VWA8: variants seen among roughly 807,000 people sequenced by gnomAD.
The protein encoded by VWA8 is von Willebrand factor A domain-containing protein 8.
In VWA8, 221 loss-of-function variants were observed where a neutral mutation model predicts 241.5. The observed-to-expected ratio is 0.91, with a 90% confidence interval of 0.82 to 1.02. VWA8 has a LOEUF of 1.02. VWA8 is among the 50% of genes least tolerant of loss of function. The pLI, the probability that VWA8 is intolerant of heterozygous loss-of-function variation, is 0.00. For synonymous variants in VWA8, 852 were observed against 827.1 expected, an observed-to-expected ratio of 1.03 and a Z score of -0.52; for missense variants, 2,322 against 2,328.7, an observed-to-expected ratio of 1.00 and a Z score of 0.06.
At chr13:41,921,493 A>G (rs1014251753) in intron 2 of VWA8, among the ~76,000 whole-genome samples, 3 of 152,218 alleles carry the variant, frequency 2.0e-5, no homozygotes, top group Non-Finnish European at 4.4e-5. Context: ...ACAGGAAGTC[A>G]AATTGTCCCT....
chr13:41,632,260 C>A (rs1308597244), intron 37 of VWA8, among the ~76,000 whole-genome samples: 1 of 152,164 alleles, frequency 6.6e-6, no homozygotes, highest in Non-Finnish European at 1.5e-5. Context: ...CATACTGAAG[C>A]ACTGTGCTTT....
At chr13:41,662,178 T>C (rs2044954425) in intron 37 of VWA8, among the ~76,000 whole-genome samples, 2 of 152,194 alleles carry the variant, frequency 1.3e-5, no homozygotes, top group African/African-American at 2.4e-5. Context: ...ATAAACAAAA[T>C]CCTGCAGAGA....
At chr13:41,758,398 GTA>G (rs1236188354) in intron 21 of VWA8, among the ~76,000 whole-genome samples, 5,143 of 24,796 alleles carry the variant, frequency 0.21, 382 homozygotes, top group South Asian at 0.29. Context: ...ATATACGCTA[GTA>G]TATATATATA....
chr13:41,632,573 T>A (rs2139675311), intron 37 of VWA8, among the ~76,000 whole-genome samples: 1 of 152,316 alleles, frequency 6.6e-6, no homozygotes, highest in South Asian at 2.1e-4. Flanking sequence ...ATTTCTAGCA[T>A]CAAATCTTGG....
At chr13:41,648,208 G>A (rs964346027) in intron 37 of VWA8, among the ~76,000 whole-genome samples, 4 of 152,048 alleles carry the variant, frequency 2.6e-5, no homozygotes, top group African/African-American at 9.7e-5. Flanking sequence ...TGGTAATAAT[G>A]ATGATAAAAA....
chr13:41,930,103 G>A (rs142757661), intron 2 of VWA8, among the ~76,000 whole-genome samples: 1 of 152,236 alleles, frequency 6.6e-6, no homozygotes, highest in Non-Finnish European at 1.5e-5. Flanking sequence ...TGTAAAAATG[G>A]CCAACAGGTA....
intron 17 of VWA8, among the ~76,000 whole-genome samples, chr13:41,802,408 A>G (rs1466193511): frequency 6.6e-6 from 1 of 152,218 alleles, no homozygotes; most frequent in Admixed American, 6.5e-5. Flanking sequence ...AATAAACTTG[A>G]AAGGCTGTCT....
chr13:41,773,558 A>G (rs1276243029), intron 20 of VWA8, among the ~76,000 whole-genome samples: 1 of 152,218 alleles, frequency 6.6e-6, no homozygotes, highest in Non-Finnish European at 1.5e-5. Flanking sequence ...TGCATTAGTC[A>G]AGGAATACTA....
intron 20 of VWA8, 130 bp downstream of exon 20, chr13:41,777,855 G>T: frequency 1.4e-6 from 1 of 710,154 alleles, no homozygotes; most frequent in Non-Finnish European, 2.3e-6. Context: ...AGGTAGCAGA[G>T]TCTCATCCTT....
intron 4 of VWA8, among the ~76,000 whole-genome samples, chr13:41,896,676 C>T (rs1170215006): frequency 6.6e-6 from 1 of 152,060 alleles, no homozygotes; most frequent in African/African-American, 2.4e-5. Flanking sequence ...TTCAACTTCA[C>T]TGGTTATTAG....
chr13:41,913,999 T>G (rs531627401), intron 2 of VWA8, among the ~76,000 whole-genome samples: 1 of 152,326 alleles, frequency 6.6e-6, no homozygotes, highest in South Asian at 2.1e-4. Flanking sequence ...CCCAGCACTT[T>G]GGGAGGCCGA....
intron 28 of VWA8, among the ~76,000 whole-genome samples, chr13:41,701,129 T>C (rs2045246509): frequency 1.3e-5 from 2 of 152,202 alleles, no homozygotes; most frequent in Non-Finnish European, 2.9e-5. Flanking sequence ...AGCACATGCC[T>C]GGGTGTGTTT....
At chr13:41,870,532 G>A (rs538800963) in intron 9 of VWA8, among the ~76,000 whole-genome samples, 3 of 151,802 alleles carry the variant, frequency 2.0e-5, no homozygotes, top group African/African-American at 2.4e-5. Flanking sequence ...CCAGCTACTC[G>A]GGAGGCTGGG....
intron 26 of VWA8, among the ~76,000 whole-genome samples, chr13:41,704,431 T>C (rs1359517423): frequency 6.6e-6 from 1 of 151,198 alleles, no homozygotes; most frequent in African/African-American, 2.4e-5. Flanking sequence ...TACTAAAGTA[T>C]AAAACAGCAG....
At chr13:41,766,641 CT>C (rs1181506425) in intron 20 of VWA8, among the ~76,000 whole-genome samples, 1 of 152,210 alleles carries the variant, frequency 6.6e-6, no homozygotes. Flanking sequence ...TCATCTTCCA[CT>C]CCCCCACCTA....
chr13:41,720,447 G>A (rs1451654145), intron 25 of VWA8, among the ~76,000 whole-genome samples: 1 of 151,944 alleles, frequency 6.6e-6, no homozygotes, highest in African/African-American at 2.4e-5. Context: ...TATTTATGGG[G>A]TACAATGTGA....
At chr13:41,858,261 A>C (rs898208549) in intron 12 of VWA8, among the ~76,000 whole-genome samples, 4 of 152,216 alleles carry the variant, frequency 2.6e-5, no homozygotes, top group Admixed American at 6.5e-5. Context: ...TGTATTTTAA[A>C]TTTAAAATAT....
At chr13:41,834,251 G>A (rs1272918525) in intron 12 of VWA8, among the ~76,000 whole-genome samples, 4 of 152,154 alleles carry the variant, frequency 2.6e-5, no homozygotes, top group Non-Finnish European at 5.9e-5. Flanking sequence ...GTAAAAAACT[G>A]GAGCTATATA....
At chr13:41,593,558 C>T (rs534786888) in intron 40 of VWA8, among the ~76,000 whole-genome samples, 1 of 152,216 alleles carries the variant, frequency 6.6e-6, no homozygotes, top group Non-Finnish European at 1.5e-5. Flanking sequence ...CCCCTCCCTG[C>T]ACCAGTGATT....
Sources: allele counts gnomAD v4.1 joint callset (sites outside exome capture counted in the v4.1 genomes callset), GRCh38; gene constraint gnomAD v4.1.1; transcripts MANE v1.5; gene names NCBI Gene and HGNC (gene_info 2026-07-23, HGNC 2026-07-21).